SLC9A7: variants seen among roughly 807,000 people sequenced by gnomAD.
The protein encoded by SLC9A7 is solute carrier family 9 member A7, also known as sodium/hydrogen exchanger 7.
In SLC9A7, 19 loss-of-function variants were observed where a neutral mutation model predicts 52.6. The observed-to-expected ratio is 0.36, with a 90% CI of 0.25 to 0.53. SLC9A7 has a LOEUF of 0.53. Ranked by LOEUF, SLC9A7 falls within the 20% of genes least tolerant of loss-of-function variation. The pLI is 0.91. For missense variants in SLC9A7, 455 were observed against 597.9 expected, an observed-to-expected ratio of 0.76 and a Z score of 2.49; for synonymous variants, 226 against 252.1, an observed-to-expected ratio of 0.90 and a Z score of 0.98.
In SLC9A7 at chrX:46,730,276, A is replaced by C. The variant is rs774447960; in HGVS notation, c.325+28429T>G. On this transcript the variant is annotated intron_variant, in intron 1 of 16. Transcript: ENST00000616978. ...TTTCAGAAAATATCCTGAAAATGAGAGTTAAAAATGAAAAAAAAATGGAGC... is the reference window on the plus strand; with the variant it reads ...TTTCAGAAAATATCCTGAAAATGAGCGTTAAAAATGAAAAAAAAATGGAGC... 3.6e-5 allele frequency among the ~76,000 whole-genome samples: 4 copies of C among 110,725 alleles called. No individual in the cohort carries two copies. In the South Asian group the frequency reaches 1.5e-3, roughly 42 times the overall value.
At chrX:46,699,466 T>G (rs1944497095) in intron 1 of SLC9A7, among the ~76,000 whole-genome samples, 1 of 111,926 alleles carries the variant, frequency 8.9e-6, no homozygotes, top group African/African-American at 3.3e-5. Context: ...GCTTCACAAC[T>G]GAACTTTTTA....
chrX:46,678,587 C>T (rs1036013913), intron 3 of SLC9A7, among the ~76,000 whole-genome samples: 1 of 108,856 alleles, frequency 9.2e-6, no homozygotes, highest in African/African-American at 3.3e-5. Flanking sequence ...CAGGCATGTA[C>T]CACCATGCCC....
At chrX:46,669,930 ATTTCATTT>A (rs1226534277) in intron 4 of SLC9A7, among the ~76,000 whole-genome samples, 1,705 of 112,177 alleles carry the variant, frequency 0.015, 31 homozygotes, top group African/African-American at 0.042. Flanking sequence ...ATATCTGAAC[ATTTCATTT>A]TTAAAAGTTG....
intron 3 of SLC9A7, among the ~76,000 whole-genome samples, chrX:46,674,517 C>A (rs763509474): frequency 1.8e-5 from 2 of 111,646 alleles, no homozygotes; most frequent in Admixed American, 1.9e-4. Flanking sequence ...CCATCATATA[C>A]GAGAGAACCC....
intron 16 of SLC9A7, among the ~76,000 whole-genome samples, chrX:46,612,260 CTGTG>C (rs906792453): frequency 6.3e-5 from 7 of 111,914 alleles, no homozygotes; most frequent in African/African-American, 2.0e-4. Context: ...GGCATAATGA[CTGTG>C]TTAGTGACAA....
intron 15 of SLC9A7, among the ~76,000 whole-genome samples, chrX:46,615,188 G>A (rs891464906): frequency 1.8e-5 from 2 of 111,831 alleles, no homozygotes; most frequent in Non-Finnish European, 3.8e-5. Flanking sequence ...GACTACAGAC[G>A]CGTGCCACCA....
At chrX:46,682,150 G>C (rs920222532) in intron 2 of SLC9A7, among the ~76,000 whole-genome samples, 186 bp downstream of exon 2, 2 of 111,557 alleles carry the variant, frequency 1.8e-5, no homozygotes, top group Non-Finnish European at 3.8e-5. Flanking sequence ...CAGCTGAAAG[G>C]CTCAAGTTGA....
Position 46,754,784 on chromosome X carries a change from G to A in SLC9A7, c.325+3921C>T, listed in dbSNP as rs1431995268. ...ATATCAGTTGTCACAAAAACATTAT[G>A]GGGGAAGTGGAACTACCGTACATCT... On this transcript the variant is annotated intron_variant, in intron 1 of 16. Coordinates refer to ENST00000616978, the MANE Select transcript of SLC9A7 (RefSeq NM_001257291.2). 1.4e-4 allele frequency among the ~76,000 whole-genome samples: 16 copies of A among 112,333 alleles called. No individual in the cohort carries two copies. In the Admixed American group the frequency reaches 1.5e-3, roughly 11 times the overall value.
At chrX:46,627,802 G>A (rs749693991) in intron 14 of SLC9A7, among the ~76,000 whole-genome samples, 18 of 108,707 alleles carry the variant, frequency 1.7e-4, no homozygotes, top group Non-Finnish European at 3.2e-4. Flanking sequence ...TGGTCACAGA[G>A]TAGCAACTGG....
At chrX:46,626,621 C>G (rs1943134352) in intron 14 of SLC9A7, among the ~76,000 whole-genome samples, 1 of 112,524 alleles carries the variant, frequency 8.9e-6, no homozygotes, top group African/African-American at 3.2e-5. Context: ...AGTCTCATCT[C>G]AAGTTGTGAT....
In SLC9A7 at chrX:46,606,764, T is replaced by G. The variant is rs1942750833; in HGVS notation, c.*188A>C. The G allele has an allele frequency of 3.7e-6, 4 of 1,092,725 alleles. No individual in the cohort carries two copies. Among genetic ancestry groups the G allele is most frequent in the Non-Finnish European group, 4.8e-6 (4 of 839,323 alleles). The allele number at this position is 1,092,725 out of a possible 1,213,427, so 90.1% of individuals were successfully genotyped here. ...GAATAGGTCTACGTTTGTCTGAATT[T>G]AGAGACACTTTTGCCTCACCATCTG... On this transcript the variant is annotated 3_prime_UTR_variant, in exon 17 of 17. Coordinates refer to ENST00000616978, the MANE Select transcript of SLC9A7 (RefSeq NM_001257291.2).
At chrX:46,655,450 T>G (rs1303513403) in intron 7 of SLC9A7, among the ~76,000 whole-genome samples, 2 of 111,816 alleles carry the variant, frequency 1.8e-5, no homozygotes, top group African/African-American at 6.5e-5. Context: ...TGCATTTCCA[T>G]CTGAGGTACC....
chrX:46,675,268 G>A (rs994748726), intron 3 of SLC9A7, among the ~76,000 whole-genome samples: 4 of 111,048 alleles, frequency 3.6e-5, no homozygotes, highest in African/African-American at 1.3e-4. Flanking sequence ...CTGCATGATA[G>A]CTATATGATG....
intron 1 of SLC9A7, among the ~76,000 whole-genome samples, chrX:46,703,887 G>A (rs759475857): frequency 1.8e-5 from 2 of 112,239 alleles, no homozygotes; most frequent in African/African-American, 3.2e-5. Context: ...ACAAGAAAAT[G>A]TAACAGTGGC....
intron 5 of SLC9A7, among the ~76,000 whole-genome samples, chrX:46,669,029 G>A (rs1048619412): frequency 2.7e-5 from 3 of 109,226 alleles, no homozygotes; most frequent in Admixed American, 2.0e-4. Context: ...TTAGCCAGGC[G>A]TGGTGGCAGG....
rs760552511 is a variant in SLC9A7, at chrX:46,662,657, C to A, written c.794-14G>T. On this transcript the variant is annotated splice_polypyrimidine_tract_variant and intron_variant, in intron 5 of 16. Coordinates refer to ENST00000616978, the MANE Select transcript of SLC9A7 (RefSeq NM_001257291.2). ...CCAGCACAGTCACTGAAAAGTGAGC[C>A]GAAAGCACAGAAATTAGTTTTGGTT... 8.6e-7 allele frequency: 1 copy of A among 1,156,418 alleles called. No homozygotes were observed. Among genetic ancestry groups the A allele is most frequent in the East Asian group, 3.0e-5 (1 of 33,501 alleles).
intron 12 of SLC9A7, among the ~76,000 whole-genome samples, chrX:46,641,504 T>C (rs1882809103): frequency 8.9e-6 from 1 of 111,996 alleles, no homozygotes; most frequent in South Asian, 3.7e-4. Flanking sequence ...AATGCAAAGA[T>C]TCTCAACTGT....
chrX:46,694,812 C>CA (rs1209207294), intron 1 of SLC9A7, among the ~76,000 whole-genome samples: 2 of 111,623 alleles, frequency 1.8e-5, no homozygotes, highest in African/African-American at 3.3e-5. Flanking sequence ...TTCATAACAG[C>CA]AAAAAAATGA....
chrX:46,667,089 C>A (rs1943933893), intron 5 of SLC9A7, among the ~76,000 whole-genome samples: 1 of 111,891 alleles, frequency 8.9e-6, no homozygotes, highest in Non-Finnish European at 1.9e-5. Flanking sequence ...GGACACAGAC[C>A]AGCATAATTT....
Sources: gnomAD v4.1 joint callset for allele counts (sites outside exome capture counted in the v4.1 genomes callset) on GRCh38, gnomAD v4.1.1 for gene constraint, MANE v1.5 for transcripts, NCBI Gene and HGNC (gene_info 2026-07-23, HGNC 2026-07-21) for gene names.